The following NAALADL2 variants were observed in gnomAD, a reference collection of about 807,000 sequenced individuals.
NAALADL2 encodes inactive N-acetylated-alpha-linked acidic dipeptidase-like protein 2.
NAALADL2 carries 76 observed loss-of-function variants against 87.2 expected under a neutral mutation model. That is an observed-to-expected ratio of 0.87 (90% confidence interval 0.72 to 1.05). The LOEUF is 1.05. Ranked by LOEUF, NAALADL2 falls within the 50% of genes least tolerant of loss-of-function variation. The pLI, the probability that NAALADL2 is intolerant of heterozygous loss-of-function variation, is 0.00. For synonymous variants in NAALADL2, 354 were observed against 331.0 expected, an observed-to-expected ratio of 1.07 and a Z score of -0.75; for missense variants, 1,089 against 945.8, an observed-to-expected ratio of 1.15 and a Z score of -1.99.
At chr3:175,211,441 G>A (rs1197103074) in intron 2 of NAALADL2, among the ~76,000 whole-genome samples, 1 of 151,864 alleles carries the variant, frequency 6.6e-6, no homozygotes, top group Non-Finnish European at 1.5e-5. Context: ...ATTGAAACTA[G>A]TATATTCTAT....
intron 1 of NAALADL2, among the ~76,000 whole-genome samples, chr3:174,884,553 T>C (rs901507385): frequency 7.2e-5 from 11 of 152,148 alleles, no homozygotes; most frequent in Admixed American, 3.3e-4. Context: ...AGACATTCTA[T>C]GAGTCCACGG....
At chr3:175,693,879 A>G (rs1221159036) in intron 11 of NAALADL2, among the ~76,000 whole-genome samples, 1 of 152,014 alleles carries the variant, frequency 6.6e-6, no homozygotes, top group African/African-American at 2.4e-5. Flanking sequence ...TTGTATTTTT[A>G]GTACGTCGTT....
At chr3:175,200,209 A>G (rs1286603499) in intron 2 of NAALADL2, among the ~76,000 whole-genome samples, 1 of 151,996 alleles carries the variant, frequency 6.6e-6, no homozygotes, top group African/African-American at 2.4e-5. Flanking sequence ...GAATGTTTGA[A>G]AAGGGTATGC....
rs150961504 is a variant in NAALADL2 at position 175,361,832 on chromosome 3, G to T, written c.1090+37507G>T. Among the ~76,000 whole-genome samples, 484 of 147,944 alleles carry T rather than the reference G, an allele frequency of 3.3e-3. 17 individuals are homozygous for T. The highest frequency in any genetic ancestry group is 0.011 in the African/African-American group (450 of 40,816). ...TTCTGTAGGTTGCCTGCTCACTCTG[G>T]TGGTAGTTTCTTTTGCTGTGCAGAA... On this transcript the variant is annotated intron_variant, in intron 5 of 13. Transcript: ENST00000454872.
intron 9 of NAALADL2, among the ~76,000 whole-genome samples, chr3:175,560,390 G>A (rs1236824985): frequency 1.3e-5 from 2 of 151,752 alleles, no homozygotes; most frequent in Admixed American, 6.6e-5. Flanking sequence ...TCAGCTTTTT[G>A]TTTCATTGAT....
chr3:175,189,152 A>G (rs1410016421), intron 2 of NAALADL2, among the ~76,000 whole-genome samples: 1 of 152,174 alleles, frequency 6.6e-6, no homozygotes, highest in Non-Finnish European at 1.5e-5. Flanking sequence ...ATAAACTGAA[A>G]GCCCTTCTAT....
At chr3:175,739,262 A>T (rs572417006) in intron 12 of NAALADL2, among the ~76,000 whole-genome samples, 1 of 152,190 alleles carries the variant, frequency 6.6e-6, no homozygotes, top group Non-Finnish European at 1.5e-5. Flanking sequence ...TTCAAAATTC[A>T]TATATATGAT....
At chr3:174,869,114 C>A (rs1727488713) in intron 1 of NAALADL2, among the ~76,000 whole-genome samples, 2 of 151,928 alleles carry the variant, frequency 1.3e-5, no homozygotes, top group Admixed American at 1.3e-4. Flanking sequence ...ACAAAATAGT[C>A]AAACAGCAAG....
In NAALADL2 at chr3:175,588,534, C is replaced by CTTT. The variant is rs1168817019; in HGVS notation, c.1800+12367_1800+12369dup. Among the ~76,000 whole-genome samples the CTTT allele has an allele frequency of 4.4e-3, 344 of 78,096 alleles. 4 individuals carry two copies. Among genetic ancestry groups the CTTT allele is most frequent in the Non-Finnish European group, 5.4e-3 (226 of 42,108 alleles). The allele number at this position is 78,096 out of a possible 152,430, so 51.2% of individuals were successfully genotyped here. On this transcript the variant is annotated intron_variant, in intron 10 of 13. Transcript: ENST00000454872. ...TTAGGAGACTTTCTTTCTTTCTTTT[C>CTTT]TTTTTTTTTTTTTTTTTTTTTTGAG...
chr3:174,630,220 T>G (rs1427478169), intron 2 of NAALADL2, among the ~76,000 whole-genome samples: 1 of 152,142 alleles, frequency 6.6e-6, no homozygotes, highest in Non-Finnish European at 1.5e-5. Flanking sequence ...TATTTATCAT[T>G]TTTTGACTTT....
At chr3:174,464,244 A>G (rs1716386632) in intron 1 of NAALADL2, among the ~76,000 whole-genome samples, 1 of 152,194 alleles carries the variant, frequency 6.6e-6, no homozygotes, top group Non-Finnish European at 1.5e-5. Flanking sequence ...AATAATACAC[A>G]TGAGACTGCA....
intron 2 of NAALADL2, among the ~76,000 whole-genome samples, chr3:174,656,305 T>C (rs995200587): frequency 4.6e-5 from 7 of 152,198 alleles, no homozygotes; most frequent in Non-Finnish European, 8.8e-5. Context: ...AACTGAAGGA[T>C]AGAGAAATTT....
intron 11 of NAALADL2, among the ~76,000 whole-genome samples, chr3:175,632,581 G>A (rs1284864657): frequency 2.6e-5 from 4 of 152,106 alleles, no homozygotes; most frequent in Non-Finnish European, 5.9e-5. Context: ...ACAGTTTTAA[G>A]ATTGAAGGAC....
intron 2 of NAALADL2, among the ~76,000 whole-genome samples, chr3:175,121,113 T>C (rs187973534): frequency 6.6e-6 from 1 of 151,790 alleles, no homozygotes; most frequent in Non-Finnish European, 1.5e-5. Flanking sequence ...TTTTCTCTGA[T>C]CCTGACTGAA....
chr3:175,296,036 G>T (rs1383417999), intron 4 of NAALADL2, among the ~76,000 whole-genome samples: 1 of 38,156 alleles, frequency 2.6e-5, no homozygotes, highest in Admixed American at 2.5e-4. Context: ...TTCCAACTTA[G>T]TTTACATTCT....
intron 3 of NAALADL2, among the ~76,000 whole-genome samples, chr3:174,835,526 C>T (rs1044509663): frequency 6.6e-6 from 1 of 151,966 alleles, no homozygotes; most frequent in Non-Finnish European, 1.5e-5. Context: ...TTATAAAGTT[C>T]TGTGTATCAA....
At chr3:175,555,118 G>A (rs1321502232) in intron 9 of NAALADL2, among the ~76,000 whole-genome samples, 2 of 152,232 alleles carry the variant, frequency 1.3e-5, no homozygotes, top group East Asian at 3.9e-4. Context: ...AGTCCCTAAT[G>A]TTTTTGTTGT....
intron 3 of NAALADL2, among the ~76,000 whole-genome samples, chr3:175,247,381 C>T (rs1028086984): frequency 2.0e-5 from 3 of 152,012 alleles, no homozygotes; most frequent in Admixed American, 6.6e-5. Flanking sequence ...GCAAAGCAAA[C>T]TGATAGTGCT....
chr3:174,474,715 T>G (rs1179017695), intron 1 of NAALADL2, among the ~76,000 whole-genome samples: 1 of 152,136 alleles, frequency 6.6e-6, no homozygotes, highest in Non-Finnish European at 1.5e-5. Flanking sequence ...CTGTTAGCCT[T>G]GCCATAATTT....
Sources: allele counts gnomAD v4.1 joint callset (sites outside exome capture counted in the v4.1 genomes callset), GRCh38; gene constraint gnomAD v4.1.1; transcripts MANE v1.5; gene names NCBI Gene and HGNC (gene_info 2026-07-23, HGNC 2026-07-21).